Variants in MCM3AP observed in about 807,000 individuals in gnomAD.
The protein encoded by MCM3AP is germinal-center associated nuclear protein.
Under a neutral mutation model 184.1 loss-of-function variants are expected in MCM3AP, and 126 were observed. The observed-to-expected ratio is 0.68, with a 90% CI of 0.59 to 0.79. The LOEUF (loss-of-function observed/expected upper bound fraction) is 0.79. Ranked by LOEUF, MCM3AP falls within the 30% of genes least tolerant of loss-of-function variation. MCM3AP has a pLI of 0.00. For synonymous variants in MCM3AP, 1,002 were observed against 979.3 expected (o/e 1.02, Z -0.43); for missense variants, 2,496 against 2,479.2 (o/e 1.01, Z -0.14).
At chr21:46,257,024 A>G (rs1391894106) in intron 16 of MCM3AP, 38 bp from the exon 17 acceptor site, 2 of 1,576,758 alleles carry the variant, frequency 1.3e-6, no homozygotes, top group East Asian at 2.3e-5. Context: ...GAGTGTTTTC[A>G]GGGTCTTCAA....
rs1433983939 is a variant in MCM3AP, at chr21:46,272,658, A to C, written c.2368T>G (p.Tyr790Asp). 6.2e-7 allele frequency: 1 copy of C among 1,614,102 alleles called. No individual in the cohort carries two copies. Among genetic ancestry groups the C allele is most frequent in the East Asian group, 2.2e-5 (1 of 44,896 alleles). The change falls in exon 8 of 28, where the codon TAC becomes GAC. Residue 790 changes from tyrosine to aspartate, a missense_variant. Around this residue, in one of 5 missense-constraint regions of MCM3AP, gnomAD observed 105 missense variants for 97.1 expected, o/e 1.08. Coordinates refer to ENST00000291688, the MANE Select transcript of MCM3AP (RefSeq NM_003906.5). The stretch of plus-strand genomic sequence containing the variant: ...ACACCCTTGTTTCTCAGGTCCTGGT[A>C]CATCTCCTTCAGGCTCTGCAGGCAC... ...TKCLQSLKEM[Y>D]QDLRNKGVFC...
At chr21:46,272,517 C>T in intron 8 of MCM3AP, 44 bp downstream of exon 8, 1 of 1,584,498 alleles carries the variant, frequency 6.3e-7, no homozygotes, top group South Asian at 1.2e-5. Flanking sequence ...TTAAAGCCTG[C>T]CTTTTCAGCC....
chr21:46,272,021 C>T (rs1430469632), intron 8 of MCM3AP, among the ~76,000 whole-genome samples: 6 of 151,822 alleles, frequency 4.0e-5, no homozygotes, highest in African/African-American at 1.5e-4. Context: ...AGCTTAACCA[C>T]AAGCAGAGGG....
intron 24 of MCM3AP, 54 bp from the exon 25 acceptor site, chr21:46,242,985 CAA>C (rs56371413): frequency 0.02 from 19,554 of 1,001,572 alleles, 1 homozygote; most frequent in South Asian, 0.026. Context: ...AACCCTGTCT[CAA>C]AAAAAAAAAA....
chr21:46,269,707 G>A (rs2081156878), intron 9 of MCM3AP, among the ~76,000 whole-genome samples: 1 of 152,184 alleles, frequency 6.6e-6, no homozygotes, highest in African/African-American at 2.4e-5. Flanking sequence ...AGCCTCCTTG[G>A]AGCCGCTGCC....
intron 24 of MCM3AP, among the ~76,000 whole-genome samples, chr21:46,243,174 A>G (rs1211842938): frequency 6.6e-6 from 1 of 152,120 alleles, no homozygotes; most frequent in African/African-American, 2.4e-5. Flanking sequence ...AGTCCAGACA[A>G]GCTTACATCG....
intron 4 of MCM3AP, among the ~76,000 whole-genome samples, chr21:46,278,055 G>A (rs1001884175): frequency 2.6e-5 from 4 of 152,066 alleles, no homozygotes; most frequent in African/African-American, 9.7e-5. Context: ...AGAGGCTGGG[G>A]TGAGAGGATT....
intron 10 of MCM3AP, 192 bp from the exon 11 acceptor site, chr21:46,266,358 A>G: frequency 1.9e-6 from 1 of 533,304 alleles, no homozygotes; most frequent in Non-Finnish European, 3.2e-6. Context: ...CACTAAGCCC[A>G]GCGTGTTAAC....
intron 9 of MCM3AP, among the ~76,000 whole-genome samples, chr21:46,269,867 A>G (rs2081158743): frequency 6.6e-6 from 1 of 152,168 alleles, no homozygotes; most frequent in Admixed American, 6.5e-5. Context: ...GTTCCGTGGA[A>G]GTGGAACAAA....
In MCM3AP at chr21:46,284,892, C is replaced by T. The variant is rs143377142; in HGVS notation, c.395G>A (p.Gly132Glu). The change falls in exon 1 of 28, where the codon GGA becomes GAA. Residue 132 changes from glycine to glutamate, a missense_variant. Gly to Glu is a moderately conservative substitution (Grantham distance 98). Coordinates refer to ENST00000291688, the MANE Select transcript of MCM3AP (RefSeq NM_003906.5). ...CCCAAAACCAGAGTTCACTATTTCTCCAGCTTCTTGTCCAAAAGCAGAAGT... is the reference window on the plus strand; with the variant it reads ...CCCAAAACCAGAGTTCACTATTTCTTCAGCTTCTTGTCCAAAAGCAGAAGT... ...PSTSAFGQEA[G>E]EIVNSGFGKT... is the part of the protein sequence containing the mutation. 7.2e-5 allele frequency: 117 copies of T among 1,614,060 alleles called. No homozygotes were observed. Among genetic ancestry groups the T allele is most frequent in the Non-Finnish European group, 9.2e-5 (108 of 1,180,040 alleles).
chr21:46,267,439 AGTCAGCT>A (rs1374847479), intron 9 of MCM3AP: 1 of 358,738 alleles, frequency 2.8e-6, no homozygotes, highest in African/African-American at 2.1e-5. Context: ...GACCAGGTGA[AGTCAGCT>A]GTGCAGCATC....
In MCM3AP at chr21:46,282,708, G is replaced by A. The variant is rs571719692; in HGVS notation, c.1443+907C>T. On this transcript the variant is annotated intron_variant, in intron 2 of 27. Transcript: ENST00000291688. The stretch of plus-strand genomic sequence containing the variant: ...TAGTTCCAGCTACTCCGGAGGCTGA[G>A]GCAGGAGAATGGCGTGAACCCGGGA... Among the ~76,000 whole-genome samples, 8 of 152,042 alleles carry A rather than the reference G, an allele frequency of 5.3e-5. No homozygotes were observed. In the South Asian group the frequency reaches 1.5e-3, roughly 28 times the overall value.
At position 46,272,750 on chromosome 21, in the gene MCM3AP, GCA is replaced by G; in HGVS notation, c.2274_2275del (p.Ala759ProfsTer5). ...CATGGGCTCCTCACACATGAAGTGG[GCA>G]CAGTGGATGTGAAACCGGGTGCACT... is the stretch of plus-strand genomic sequence containing the variant. On this transcript the variant is annotated frameshift_variant, in exon 8 of 28. Coordinates refer to ENST00000291688, the MANE Select transcript of MCM3AP (RefSeq NM_003906.5). LOFTEE classifies it high-confidence loss of function. 6.2e-7 allele frequency: 1 copy of G among 1,614,054 alleles called. No individual in the cohort carries two copies. The highest frequency in any genetic ancestry group is 8.5e-7 in the Non-Finnish European group (1 of 1,179,968).
rs2081271341 is a variant in MCM3AP at position 46,277,543 on chromosome 21, G to A, written c.1842C>T (p.Asp614=). 3.8e-6 allele frequency: 6 copies of A among 1,587,784 alleles called. No individual in the cohort carries two copies. The highest frequency in any genetic ancestry group is 4.3e-6 in the Non-Finnish European group (5 of 1,168,352). ...KEKYRLLDQR[D]RIMRQARVKR... ...GTGCCATACCTTGCCGCATGATCCTGTCTCTCTGGTCAAGCAGGCGGTACT... is the reference window on the plus strand; with the variant it reads ...GTGCCATACCTTGCCGCATGATCCTATCTCTCTGGTCAAGCAGGCGGTACT... Residue 614 remains aspartate (D), a synonymous_variant, in exon 5 of 28, where the codon GAC becomes GAT. Coordinates refer to ENST00000291688, the MANE Select transcript of MCM3AP (RefSeq NM_003906.5).
chr21:46,254,651 T>C, intron 18 of MCM3AP, 125 bp from the exon 19 acceptor site: 1 of 1,429,192 alleles, frequency 7.0e-7, no homozygotes. Flanking sequence ...AACTGCAAAC[T>C]AGAAACCAAG....
At chr21:46,261,555 A>G (rs1371484634) in intron 13 of MCM3AP, 144 bp from the exon 14 acceptor site, 2 of 695,354 alleles carry the variant, frequency 2.9e-6, no homozygotes. Context: ...CAACACAGTG[A>G]AACCCCATCT....
chr21:46,261,080 G>A (rs755617203), intron 14 of MCM3AP, among the ~76,000 whole-genome samples, 174 bp from the exon 15 acceptor site: 95 of 152,194 alleles, frequency 6.2e-4, no homozygotes, highest in Non-Finnish European at 8.4e-4. Flanking sequence ...TCCTGGCTGG[G>A]AAGGGCCACT....
intron 20 of MCM3AP, among the ~76,000 whole-genome samples, chr21:46,249,348 C>T (rs1388215833): frequency 6.6e-6 from 1 of 152,118 alleles, no homozygotes; most frequent in African/African-American, 2.4e-5. Flanking sequence ...CCACCATGCC[C>T]AGCTAATTTT....
At position 46,237,225 on chromosome 21, in the gene MCM3AP, CT is replaced by C. The variant is rs879721360; in HGVS notation, c.5634-247del. Reference sequence around the variant, plus strand: ...CAAGTGATTCTCCTGCGTCAGCCTCCTGAGTAGCTGGGATTATAGGCAAGTG... The same window carrying C: ...CAAGTGATTCTCCTGCGTCAGCCTCCGAGTAGCTGGGATTATAGGCAAGTG... On this transcript the variant is annotated intron_variant, in intron 26 of 27. Transcript: ENST00000291688. 2.7e-4 allele frequency among the ~76,000 whole-genome samples: 41 copies of C among 151,452 alleles called. 1 individual carries two copies. Among genetic ancestry groups the C allele is most frequent in the Admixed American group, 3.3e-4 (5 of 15,208 alleles).
Sources: gnomAD v4.1 joint callset for allele counts (sites outside exome capture counted in the v4.1 genomes callset) on GRCh38, gnomAD v4.1.1 for gene constraint, gnomAD v4.1.1 regional missense constraint, MANE v1.5 for transcripts, NCBI Gene and HGNC (gene_info 2026-07-23, HGNC 2026-07-21) for gene names.